TRO: variants seen among roughly 807,000 people sequenced by gnomAD.
TRO encodes trophinin.
A neutral mutation model predicts 42.3 loss-of-function variants in TRO; 29 were observed. The observed-to-expected ratio is 0.68, with a 90% confidence interval of 0.51 to 0.93. The LOEUF is 0.93. Ranked by LOEUF, TRO falls within the 40% of genes least tolerant of loss-of-function variation. TRO has a pLI of 0.00. For synonymous variants in TRO, 384 were observed against 425.2 expected (o/e 0.90, Z 1.19); for missense variants, 963 against 1,127.7 (o/e 0.85, Z 2.09).
Position 54,923,355 on chromosome X carries a change from A to G in TRO, c.823A>G (p.Ile275Val), listed in dbSNP as rs762074340. The G allele has an allele frequency of 3.3e-6, 4 of 1,207,269 alleles. No homozygotes were observed. In the African/African-American group the frequency reaches 7.0e-5, roughly 21 times the overall value. Residue 275 changes from isoleucine (I) to valine (V), a missense_variant, in exon 3 of 13, where the codon ATA becomes GTA. Ile to Val is a conservative substitution (Grantham distance 29). Transcript: ENST00000173898. Reference protein sequence around the residue: ...AKVINTDTEHIEALNVTDAAT... With the variant: ...AKVINTDTEHVEALNVTDAAT... The stretch of plus-strand genomic sequence containing the variant: ...GGTCATAAATACTGACACTGAGCAT[A>G]TAGAGGCTCTAAATGTCACTGACGC...
At chrX:54,924,103 A>G (rs1247998937) in intron 3 of TRO, among the ~76,000 whole-genome samples, 1 of 112,274 alleles carries the variant, frequency 8.9e-6, no homozygotes, top group Non-Finnish European at 1.9e-5. Context: ...AAGGGATCAT[A>G]GGTCCCAGTT....
chrX:54,924,745 C>T lies in TRO; in HGVS notation c.1405+12C>T. On this transcript the variant is annotated intron_variant, in intron 5 of 12. Transcript: ENST00000173898. ...CATCAAACGCTCAGGTAGTGTCCTA[C>T]CAACCCTCCTCCTTGAGCTCTCCTC... The T allele has an allele frequency of 8.3e-7, 1 of 1,207,882 alleles. No homozygotes were observed.
In TRO at chrX:54,929,783, G is replaced by A. The variant is rs1210504223; in HGVS notation, c.3059G>A (p.Gly1020Asp). ...GGSPGTSVSF[G>D]SALNTNAGYG... ...TCTCCTGGCACCAGTGTCAGCTTTGGCAGTGCACTCAACACCAATGCTGGT... is the reference window on the plus strand; with the variant it reads ...TCTCCTGGCACCAGTGTCAGCTTTGACAGTGCACTCAACACCAATGCTGGT... The change falls in exon 12 of 13, where the codon GGC (glycine) becomes GAC (aspartate). Residue 1020 changes from glycine (G) to aspartate (D), a missense_variant. Physicochemically the swap from Gly to Asp is moderately conservative, Grantham distance 94. Around this residue, in one of 2 missense-constraint regions of TRO, gnomAD observed 641 missense variants for 811.3 expected, o/e 0.79. Transcript: ENST00000173898. 1 of 1,210,349 alleles carries A rather than the reference G, an allele frequency of 8.3e-7. No individual in the cohort carries two copies. Among genetic ancestry groups the A allele is most frequent in the East Asian group, 3.0e-5 (1 of 33,761 alleles).
intron 10 of TRO, 128 bp downstream of exon 10, chrX:54,927,233 T>A: frequency 1.3e-6 from 1 of 769,426 alleles, no homozygotes; most frequent in Non-Finnish European, 1.9e-6. Flanking sequence ...GTCCTAGAAC[T>A]GATACTGTCT....
chrX:54,927,487 G>A (rs1932805652), intron 10 of TRO, 180 bp from the exon 11 acceptor site: 3 of 444,873 alleles, frequency 6.7e-6, no homozygotes, highest in South Asian at 3.4e-5. Context: ...GTGGGAAATG[G>A]CTCAGTATTG....
chrX:54,921,210 G>C (rs1165123461), intron 1 of TRO: 3 of 110,842 alleles, frequency 2.7e-5, no homozygotes, highest in Admixed American at 9.6e-5. Context: ...CACACAGTTC[G>C]GGAGGGAGAT....
intron 3 of TRO, 101 bp downstream of exon 3, chrX:54,923,869 TC>T: frequency 1.1e-6 from 1 of 874,955 alleles, no homozygotes. Flanking sequence ...TTTGAGCTAG[TC>T]CCTGTGTTCA....
In TRO at chrX:54,930,773, A is replaced by T. The variant is rs2146573871; in HGVS notation, c.4049A>T (p.Glu1350Val). The change falls in exon 12 of 13, where the codon GAA becomes GTA. Residue 1350 changes from glutamate (E) to valine (V), a missense_variant. Physicochemically the swap from Glu to Val is moderately radical, Grantham distance 121 (BLOSUM62 -2). Coordinates refer to ENST00000173898, the MANE Select transcript of TRO (RefSeq NM_001039705.3). Reference sequence around the variant, plus strand: ...AACACCAGCACTGGCTTTACTGGCGAACCCAGCACCAGCACGGGCTTCAGT... The same window carrying T: ...AACACCAGCACTGGCTTTACTGGCGTACCCAGCACCAGCACGGGCTTCAGT... ...GSNTSTGFTG[E>V]PSTSTGFSSG... 8.3e-7 allele frequency: 1 copy of T among 1,210,608 alleles called. No individual in the cohort carries two copies. The highest frequency in any genetic ancestry group is 1.7e-5 in the African/African-American group (1 of 57,380).
chrX:54,925,513 G>A (rs1932642111), intron 6 of TRO, 79 bp from the exon 7 acceptor site: 1 of 832,003 alleles, frequency 1.2e-6, no homozygotes, highest in Admixed American at 2.6e-5. Context: ...AGTACACTGG[G>A]AGTTTTAGGA....
chrX:54,930,740 G>A lies in TRO; in HGVS notation c.4016G>A (p.Ser1339Asn), dbSNP rs1369855115. 1 of 1,212,487 alleles carries A rather than the reference G, an allele frequency of 8.2e-7. No homozygotes were observed. The highest frequency in any genetic ancestry group is 1.8e-5 in the South Asian group (1 of 57,056). ...RGLSTIIGFG[S>N]GSNTSTGFTG... ...CTGAGTACCATCATTGGCTTTGGCAGTGGTTCCAACACCAGCACTGGCTTT... is the reference window on the plus strand; with the variant it reads ...CTGAGTACCATCATTGGCTTTGGCAATGGTTCCAACACCAGCACTGGCTTT... Residue 1339 changes from serine to asparagine, a missense_variant, in exon 12 of 13, where the codon AGT becomes AAT. Physicochemically the swap from Ser to Asn is conservative, Grantham distance 46. Coordinates refer to ENST00000173898, the MANE Select transcript of TRO (RefSeq NM_001039705.3).
intron 7 of TRO, among the ~76,000 whole-genome samples, chrX:54,926,193 C>T (rs1164685606): frequency 8.9e-6 from 1 of 112,194 alleles, no homozygotes; most frequent in Non-Finnish European, 1.9e-5. Context: ...TCCCATTTTA[C>T]TGAATAATAG....
In TRO at chrX:54,925,674, T is replaced by C; in HGVS notation, c.1568T>C (p.Ile523Thr). ...LISTQESSAG[I>T]LGTTKDTPKL... ...AGCACTCAGGAATCCTCTGCAGGCA[T>C]ACTGGGAACGTAAGCTGGGAAAGGG... is the stretch of plus-strand genomic sequence containing the variant. Residue 523 changes from isoleucine (I) to threonine (T), a missense_variant, in exon 7 of 13, where the codon ATA (isoleucine) becomes ACA (threonine). Ile to Thr is a moderately conservative substitution (Grantham distance 89). Coordinates refer to ENST00000173898, the MANE Select transcript of TRO (RefSeq NM_001039705.3). 8.3e-7 allele frequency: 1 copy of C among 1,206,748 alleles called. No homozygotes were observed. Among genetic ancestry groups the C allele is most frequent in the Non-Finnish European group, 1.1e-6 (1 of 891,243 alleles).
chrX:54,928,943 G>C lies in TRO; in HGVS notation c.2219G>C (p.Ser740Thr). 1 of 1,212,048 alleles carries C rather than the reference G, an allele frequency of 8.3e-7. No homozygotes were observed. The highest frequency in any genetic ancestry group is 1.1e-6 in the Non-Finnish European group (1 of 895,489). ...GGCTTCAGCGATGGTGCTAGTATTA[G>C]CTTCAATGGTGCACCCAGCTCCAGT... ...RAGFSDGASI[S>T]FNGAPSSSGG... is the part of the protein sequence containing the mutation. Residue 740 changes from serine (S) to threonine (T), a missense_variant, in exon 12 of 13, where the codon AGC becomes ACC. Transcript: ENST00000173898.
chrX:54,924,662 C>T lies in TRO; in HGVS notation c.1342-8C>T. On this transcript the variant is annotated splice_region_variant and splice_polypyrimidine_tract_variant and intron_variant, in intron 4 of 12. Coordinates refer to ENST00000173898, the MANE Select transcript of TRO (RefSeq NM_001039705.3). ...TTAAGATCTCTCCATCTATTCCTCT[C>T]CTCCCAGGCTAATAAGTTGGTGAAA... 1 of 1,211,174 alleles carries T rather than the reference C, an allele frequency of 8.3e-7. No individual in the cohort carries two copies. The highest frequency in any genetic ancestry group is 1.7e-5 in the African/African-American group (1 of 57,868).
intron 1 of TRO, chrX:54,921,901 G>C (rs1206510100): frequency 4.9e-6 from 1 of 205,486 alleles, no homozygotes; most frequent in Non-Finnish European, 8.8e-6. Flanking sequence ...GCGCGCGGAG[G>C]GCATTGAAGA....
Position 54,923,420 on chromosome X carries a change from G to T in TRO, c.888G>T (p.Arg296Ser), listed in dbSNP as rs984629784. Residue 296 changes from arginine to serine, a missense_variant, in exon 3 of 13, where the codon AGG becomes AGT. Arg to Ser is a moderately radical substitution (Grantham distance 110). Coordinates refer to ENST00000173898, the MANE Select transcript of TRO (RefSeq NM_001039705.3). Reference sequence around the variant, plus strand: ...TTGAGGCCTCAGTAGTGGCTATCAGGCCCAAAAAATCCAAGGGCAAGAAGG... The same window carrying T: ...TTGAGGCCTCAGTAGTGGCTATCAGTCCCAAAAAATCCAAGGGCAAGAAGG... ...RQIEASVVAI[R>S]PKKSKGKKAA... 2.5e-6 allele frequency: 3 copies of T among 1,196,711 alleles called. No homozygotes were observed. The African/African-American group carries it at 5.3e-5, about 21-fold the overall frequency.
Position 54,923,654 on chromosome X carries a change from C to T in TRO, c.1122C>T (p.Asn374=), listed in dbSNP as rs781658078. 3.3e-6 allele frequency: 4 copies of T among 1,210,937 alleles called. No homozygotes were observed. Among genetic ancestry groups the T allele is most frequent in the Admixed American group, 2.2e-5 (1 of 46,047 alleles). ...CCAAGATAGCCTCTGCTCAGACCAACGTAAGTGCCCTTGAGACTCAGGTTG... is the reference window on the plus strand; with the variant it reads ...CCAAGATAGCCTCTGCTCAGACCAATGTAAGTGCCCTTGAGACTCAGGTTG... ...AQAKIASAQT[N]VSALETQVAA... The change falls in exon 3 of 13, where the codon AAC becomes AAT. Residue 374 remains asparagine, a synonymous_variant. Transcript: ENST00000173898.
chrX:54,924,904 G>T lies in TRO; in HGVS notation c.1406-85G>T. 4.8e-6 allele frequency: 5 copies of T among 1,036,650 alleles called. No homozygotes were observed. In the Admixed American group the frequency reaches 1.2e-4, roughly 25 times the overall value. The allele number at this position is 1,036,650 out of a possible 1,213,427, so 85.4% of individuals were successfully genotyped here. ...ATTAACTCACTTCAGGTCTCTGATT[G>T]CACTGACCCAACAGGACTGGCAAAA... On this transcript the variant is annotated intron_variant, in intron 5 of 12. Transcript: ENST00000173898.
Position 54,930,003 on chromosome X carries a change from A to C in TRO, c.3279A>C (p.Pro1093=), listed in dbSNP as rs1932978994. The change falls in exon 12 of 13, where the codon CCA becomes CCC. Residue 1093 remains proline, a synonymous_variant. Coordinates refer to ENST00000173898, the MANE Select transcript of TRO (RefSeq NM_001039705.3). ...CCAGTGCTTGCTTCAGTGGTGCACC[A>C]ATCACCAACCCTGGCTTTGGCGGTG... is the stretch of plus-strand genomic sequence containing the variant. ...VSTSACFSGA[P]ITNPGFGGAF... 1 of 1,210,585 alleles carries C rather than the reference A, an allele frequency of 8.3e-7. No homozygotes were observed. The highest frequency in any genetic ancestry group is 3.0e-5 in the East Asian group (1 of 33,774).
Sources: allele counts gnomAD v4.1 joint callset (sites outside exome capture counted in the v4.1 genomes callset), GRCh38; gene constraint gnomAD v4.1.1; regional missense constraint gnomAD v4.1.1; transcripts MANE v1.5; gene names NCBI Gene and HGNC (gene_info 2026-07-23, HGNC 2026-07-21).